The following ATP1A4 variants were observed in gnomAD, a reference collection of about 807,000 sequenced individuals.
ATP1A4 encodes the protein sodium/potassium-transporting ATPase subunit alpha-4.
ATP1A4 carries 90 observed loss-of-function variants against 114.3 expected under a neutral mutation model. The observed-to-expected ratio is 0.79, with a 90% confidence interval of 0.66 to 0.94. The LOEUF (loss-of-function observed/expected upper bound fraction) is 0.94. ATP1A4 is among the 40% of genes least tolerant of loss of function. The pLI is 0.00. For synonymous variants in ATP1A4, 511 were observed against 494.1 expected (o/e 1.03, Z -0.45); for missense variants, 1,222 against 1,313.6 (o/e 0.93, Z 1.08).
rs1219326526 is a variant in ATP1A4, at chr1:160,156,091, G to A, written c.458G>A (p.Cys153Tyr). The change falls in exon 4 of 22, where the codon TGC becomes TAC. Residue 153 changes from cysteine (C) to tyrosine (Y), a missense_variant. Transcript: ENST00000368081. ...TCCGTCGTGGTCATCGTCACTGGCT[G>A]CTTCTCCTATTATCAGGAGGCCAAG... Reference protein sequence around the residue: ...VLSVVVIVTGCFSYYQEAKSS... With the variant: ...VLSVVVIVTGYFSYYQEAKSS... 1.2e-6 allele frequency: 2 copies of A among 1,614,046 alleles called. No homozygotes were observed. The highest frequency in any genetic ancestry group is 1.7e-6 in the Non-Finnish European group (2 of 1,179,944).
chr1:160,153,263 A>G (rs768797579), intron 2 of ATP1A4, 39 bp downstream of exon 2: 4 of 1,568,266 alleles, frequency 2.6e-6, no homozygotes, highest in East Asian at 2.2e-5. Context: ...AGAGTCTCCA[A>G]CTCTGACTGT....
chr1:160,154,622 G>A (rs897300002), intron 2 of ATP1A4, among the ~76,000 whole-genome samples: 2 of 152,124 alleles, frequency 1.3e-5, no homozygotes, highest in Non-Finnish European at 2.9e-5. Flanking sequence ...AAGTTGGAGA[G>A]TCAAAGCGTG....
At chr1:160,176,399 C>T (rs1045384650) in intron 16 of ATP1A4, 80 bp from the exon 17 acceptor site, 1 of 1,604,714 alleles carries the variant, frequency 6.2e-7, no homozygotes, top group Non-Finnish European at 8.5e-7. Flanking sequence ...TGCGTCAAGA[C>T]AGAATGGTAG....
intron 6 of ATP1A4, 84 bp downstream of exon 6, chr1:160,159,610 G>A (rs908917068): frequency 2.6e-5 from 33 of 1,269,752 alleles, no homozygotes; most frequent in African/African-American, 4.5e-5. Context: ...TAAAGGTAGC[G>A]AGGTAGGTAA....
At chr1:160,172,117 A>G (rs893102989) in intron 12 of ATP1A4, among the ~76,000 whole-genome samples, 7 of 152,320 alleles carry the variant, frequency 4.6e-5, no homozygotes, top group African/African-American at 1.7e-4. Context: ...TCTCAGACCA[A>G]CGTGCGTGCA....
At position 160,151,945 on chromosome 1, in the gene ATP1A4, G is replaced by T; in HGVS notation, c.-96G>T. On this transcript the variant is annotated 5_prime_UTR_variant, in exon 1 of 22. Coordinates refer to ENST00000368081, the MANE Select transcript of ATP1A4 (RefSeq NM_144699.4). ...CTCTCCCCACCACTCTCTTCTCGTG[G>T]CCCCCTTGCCCGCGCGCCCTCTTCC... is the stretch of plus-strand genomic sequence containing the variant. 7.1e-7 allele frequency: 1 copy of T among 1,406,468 alleles called. No homozygotes were observed. The highest frequency in any genetic ancestry group is 9.5e-7 in the Non-Finnish European group (1 of 1,048,296). The allele number at this position is 1,406,468 out of a possible 1,614,324, so 87.1% of individuals were successfully genotyped here. A position where few individuals can be genotyped will look rare whatever the true frequency, so the allele number is the denominator to read the frequency against.
intron 7 of ATP1A4, among the ~76,000 whole-genome samples, chr1:160,165,724 C>G (rs999949818): frequency 3.3e-5 from 5 of 152,066 alleles, no homozygotes; most frequent in Admixed American, 1.3e-4. Flanking sequence ...GATCACGCCA[C>G]AGAATGAGAC....
chr1:160,171,906 G>T, intron 12 of ATP1A4, 149 bp downstream of exon 12: 1 of 800,204 alleles, frequency 1.2e-6, no homozygotes. Flanking sequence ...TTAATAGTAA[G>T]TTTCCTCTCC....
Position 160,186,828 on chromosome 1 carries a change from T to C in ATP1A4, c.*129T>C, listed in dbSNP as rs932888273. The C allele has an allele frequency of 8.9e-7, 1 of 1,119,916 alleles. No individual in the cohort carries two copies. Among genetic ancestry groups the C allele is most frequent in the Non-Finnish European group, 1.3e-6 (1 of 761,074 alleles). The allele number at this position is 1,119,916 out of a possible 1,614,324, so 69.4% of individuals were successfully genotyped here. A position where few individuals can be genotyped will look rare whatever the true frequency, so the allele number is the denominator to read the frequency against. On this transcript the variant is annotated 3_prime_UTR_variant, in exon 22 of 22. Transcript: ENST00000368081. ...TATCTTGGATGAGAAAGATGGGCAA[T>C]CCTGGGCTGGCTTGAGGGAATCATG...
At chr1:160,153,764 T>G (rs557027205) in intron 2 of ATP1A4, among the ~76,000 whole-genome samples, 125 of 152,346 alleles carry the variant, frequency 8.2e-4, no homozygotes, top group African/African-American at 2.9e-3. Flanking sequence ...AAATATTTTC[T>G]GGATAAAATC....
At chr1:160,175,203 A>G (rs1431068616) in intron 15 of ATP1A4, among the ~76,000 whole-genome samples, 1 of 152,118 alleles carries the variant, frequency 6.6e-6, no homozygotes. Context: ...CATGAGCCCA[A>G]TTACACACCC....
chr1:160,183,688 C>T (rs1653785095), intron 20 of ATP1A4, among the ~76,000 whole-genome samples: 1 of 152,192 alleles, frequency 6.6e-6, no homozygotes, highest in Admixed American at 6.5e-5. Context: ...GGCCACTATC[C>T]ATATACAACT....
At chr1:160,163,481 G>C (rs971724236) in intron 6 of ATP1A4, among the ~76,000 whole-genome samples, 1 of 152,100 alleles carries the variant, frequency 6.6e-6, no homozygotes, top group Non-Finnish European at 1.5e-5. Flanking sequence ...CAGAACTCAG[G>C]GAAACACCTT....
chr1:160,181,490 G>C (rs568761361), intron 18 of ATP1A4, among the ~76,000 whole-genome samples, 194 bp from the exon 19 acceptor site: 169 of 151,536 alleles, frequency 1.1e-3, no homozygotes, highest in African/African-American at 3.6e-3. Flanking sequence ...CAGAGGCGGA[G>C]GTTGCAGTAA....
intron 4 of ATP1A4, 41 bp downstream of exon 4, chr1:160,156,199 G>A (rs942392195): frequency 7.4e-7 from 1 of 1,344,856 alleles, no homozygotes; most frequent in African/African-American, 1.4e-5. Context: ...GCAGGAGCAG[G>A]ATGTGGCCAA....
chr1:160,154,916 C>A, intron 2 of ATP1A4, 129 bp from the exon 3 acceptor site: 1 of 818,844 alleles, frequency 1.2e-6, no homozygotes, highest in Non-Finnish European at 2.0e-6. Context: ...GAAGAACTTC[C>A]AGACTGACCT....
In ATP1A4 at chr1:160,156,135, T is replaced by G; in HGVS notation, c.502T>G (p.Ser168Ala). The change falls in exon 4 of 22, where the codon TCT (serine) becomes GCT (alanine). Residue 168 changes from serine (S) to alanine (A), a missense_variant. Transcript: ENST00000368081. ...QEAKSSKIME[S>A]FKNMVPQQAL... ...GGCCAAGAGCTCCAAGATCATGGAG[T>G]CTTTTAAGAACATGGTGCCTCAGGT... 2 of 1,613,158 alleles carry G rather than the reference T, an allele frequency of 1.2e-6. No homozygotes were observed. Among genetic ancestry groups the G allele is most frequent in the Non-Finnish European group, 8.5e-7 (1 of 1,179,272 alleles).
rs547452933 is a variant in ATP1A4 at position 160,186,357 on chromosome 1, G to C, written c.3051G>C (p.Gln1017His). ...AAATCAGAAAACTCCTCATCCGTCA[G>C]CACCCGGATGGTGAGGCTCCCCTGG... ...YDEIRKLLIR[Q>H]HPDGWVERET... The change falls in exon 21 of 22, where the codon CAG becomes CAC. Residue 1017 changes from glutamine (Q) to histidine (H), a missense_variant. By Grantham distance (24) the Gln-to-His change is conservative. Coordinates refer to ENST00000368081, the MANE Select transcript of ATP1A4 (RefSeq NM_144699.4). 6.2e-7 allele frequency: 1 copy of C among 1,612,844 alleles called. No individual in the cohort carries two copies. The highest frequency in any genetic ancestry group is 2.2e-5 in the East Asian group (1 of 44,866).
In ATP1A4 at chr1:160,168,651, T is replaced by C. The variant is rs189416149; in HGVS notation, c.1491+1239T>C. Among the ~76,000 whole-genome samples the C allele has an allele frequency of 1.8e-3, 281 of 152,336 alleles. 4 individuals are homozygous for C. The highest frequency in any genetic ancestry group is 6.4e-3 in the African/African-American group (266 of 41,580). Reference sequence around the variant, plus strand: ...CACCCGCCTCAGCCTCCCAAAGTGCTAGGATTACAGGCGTGAGCCACCATG... The same window carrying C: ...CACCCGCCTCAGCCTCCCAAAGTGCCAGGATTACAGGCGTGAGCCACCATG... On this transcript the variant is annotated intron_variant, in intron 10 of 21. Transcript: ENST00000368081.
Sources: allele counts gnomAD v4.1 joint callset (sites outside exome capture counted in the v4.1 genomes callset), GRCh38; gene constraint gnomAD v4.1.1; transcripts MANE v1.5; gene names NCBI Gene and HGNC (gene_info 2026-07-23, HGNC 2026-07-21).